Variants in DGKD observed in about 807,000 individuals in gnomAD.
DGKD encodes DAG kinase delta.
Under a neutral mutation model 154.4 loss-of-function variants are expected in DGKD, and 68 were observed. The ratio of observed to expected loss-of-function variants is 0.44; its 90% CI spans 0.36 to 0.54. DGKD has a LOEUF of 0.54. Among genes scored for constraint, DGKD ranks in the 20% least tolerant of loss-of-function variants. The probability of loss-of-function intolerance (pLI) is 0.00; values close to 1 mark genes in which losing one functional copy is unlikely to be tolerated. For synonymous variants in DGKD, 693 were observed against 638.0 expected (o/e 1.09, Z -1.30); for missense variants, 1,343 against 1,593.6 (o/e 0.84, Z 2.68).
chr2:233,438,105 C>A lies in DGKD; in HGVS notation c.923-112C>A. ...GACCTCCTCCTGACTTACAGGTGTG[C>A]ATGTGTCAGGTGTGTGTCCTTTGGG... is the stretch of plus-strand genomic sequence containing the variant. On this transcript the variant is annotated intron_variant, in intron 8 of 29. Coordinates refer to ENST00000264057, the MANE Select transcript of DGKD (RefSeq NM_152879.3). The surrounding 1 kb of genome is among the most constrained non-coding windows in gnomAD (Gnocchi z 4.1). 1 of 1,182,004 alleles carries A rather than the reference C, an allele frequency of 8.5e-7. No individual in the cohort carries two copies. The highest frequency in any genetic ancestry group is 1.2e-6 in the Non-Finnish European group (1 of 825,684). 73.2% of individuals were successfully genotyped at this position (1,182,004 alleles called of 1,614,324 possible).
At position 233,360,504 on chromosome 2, in the gene DGKD, C is replaced by T. The variant is rs946991985; in HGVS notation, c.156+5830C>T. On this transcript the variant is annotated intron_variant, in intron 1 of 29. Transcript: ENST00000264057. Reference sequence around the variant, plus strand: ...AACTCCTGGGCTCAAGCGATCCTCCCCCTTTGGCTTCCCAAAGTGCTAGAA... The same window carrying T: ...AACTCCTGGGCTCAAGCGATCCTCCTCCTTTGGCTTCCCAAAGTGCTAGAA... Among the ~76,000 whole-genome samples the T allele has an allele frequency of 2.0e-5, 3 of 151,690 alleles. No individual in the cohort carries two copies. The East Asian group carries it at 5.8e-4, about 29-fold the overall frequency.
chr2:233,443,079 C>CAAGCT (rs1336281421), intron 10 of DGKD, among the ~76,000 whole-genome samples: 2 of 152,174 alleles, frequency 1.3e-5, no homozygotes, highest in East Asian at 3.8e-4. Context: ...TGAGCGCACC[C>CAAGCT]AAGCTTAAGT....
Position 233,460,195 on chromosome 2 carries a change from C to A in DGKD, c.2831C>A (p.Ala944Glu). The A allele has an allele frequency of 6.2e-7, 1 of 1,613,736 alleles. No individual in the cohort carries two copies. The highest frequency in any genetic ancestry group is 8.5e-7 in the Non-Finnish European group (1 of 1,179,890). Residue 944 changes from alanine to glutamate, a missense_variant and splice_region_variant, in exon 24 of 30, where the codon GCA (alanine) becomes GAA (glutamate). Coordinates refer to ENST00000264057, the MANE Select transcript of DGKD (RefSeq NM_152879.3). Reference protein sequence around the residue: ...NRAQTLTRDRAFESTLKSWED... With the variant: ...NRAQTLTRDREFESTLKSWED... ...GTAATTGGGCTTTCGGGTCCATAGGCATTTGAGAGCACCCTGAAGTCCTGG... is the reference window on the plus strand; with the variant it reads ...GTAATTGGGCTTTCGGGTCCATAGGAATTTGAGAGCACCCTGAAGTCCTGG...
intron 14 of DGKD, among the ~76,000 whole-genome samples, chr2:233,448,631 G>A (rs564721452): frequency 3.1e-4 from 47 of 152,318 alleles, no homozygotes; most frequent in Middle Eastern, 6.8e-3. Flanking sequence ...GAATCTTCTT[G>A]GGTCCAAATA....
chr2:233,443,934 C>T (rs1297110067), intron 10 of DGKD, among the ~76,000 whole-genome samples: 2 of 152,182 alleles, frequency 1.3e-5, no homozygotes, highest in Non-Finnish European at 2.9e-5. Context: ...CTCGGGGTTT[C>T]TTGTCTTCCT....
chr2:233,386,122 C>A (rs1251924242), intron 1 of DGKD: 1 of 336,748 alleles, frequency 3.0e-6, no homozygotes, highest in Non-Finnish European at 6.0e-6. Flanking sequence ...TTAAAGATAA[C>A]TTATAACTTT....
chr2:233,428,938 A>G (rs928451622), intron 3 of DGKD, among the ~76,000 whole-genome samples: 1 of 152,102 alleles, frequency 6.6e-6, no homozygotes, highest in African/African-American at 2.4e-5. Context: ...TCTGACATTT[A>G]TCTGTTGCTC....
rs1000950194 is a variant in DGKD at position 233,438,131 on chromosome 2, G to A, written c.923-86G>A. The A allele has an allele frequency of 4.8e-6, 7 of 1,469,260 alleles. No individual in the cohort carries two copies. Among genetic ancestry groups the A allele is most frequent in the African/African-American group, 4.2e-5 (3 of 71,584 alleles). The allele number at this position is 1,469,260 out of a possible 1,614,324, so 91.0% of individuals were successfully genotyped here. Reference sequence around the variant, plus strand: ...ATGTGTCAGGTGTGTGTCCTTTGGGGGGGTCTGCTGCTGCTGATTCCATCA... The same window carrying A: ...ATGTGTCAGGTGTGTGTCCTTTGGGAGGGTCTGCTGCTGCTGATTCCATCA... On this transcript the variant is annotated intron_variant, in intron 8 of 29. Coordinates refer to ENST00000264057, the MANE Select transcript of DGKD (RefSeq NM_152879.3). This position sits in a 1 kb window ranked among gnomAD's most constrained non-coding sequence, Gnocchi z 4.1.
At chr2:233,400,337 G>T (rs1440741408) in intron 3 of DGKD, among the ~76,000 whole-genome samples, 2 of 152,216 alleles carry the variant, frequency 1.3e-5, no homozygotes, top group East Asian at 3.9e-4. Context: ...CCCTGGCCAG[G>T]TCCCTCGGAG....
chr2:233,385,154 G>A (rs540793700), intron 1 of DGKD, among the ~76,000 whole-genome samples: 1 of 152,292 alleles, frequency 6.6e-6, no homozygotes, highest in East Asian at 1.9e-4. Flanking sequence ...CTGGTTTGAA[G>A]CCCTTTTCAA....
chr2:233,448,338 C>T lies in DGKD; in HGVS notation c.1577C>T (p.Thr526Ile), dbSNP rs920003192. The change falls in exon 14 of 30, where the codon ACC becomes ATC. Residue 526 changes from threonine to isoleucine, a missense_variant. Around this residue, in one of 6 missense-constraint regions of DGKD, gnomAD observed 409 missense variants for 446.0 expected, o/e 0.92. Coordinates refer to ENST00000264057, the MANE Select transcript of DGKD (RefSeq NM_152879.3). Reference protein sequence around the residue: ...ARVGKAYEKTTESSEESEVMA... With the variant: ...ARVGKAYEKTIESSEESEVMA... ...GTGGGGAAGGCCTATGAGAAGACGACCGAGAGCTCGGAGGAGTCAGAGGTC... is the reference window on the plus strand; with the variant it reads ...GTGGGGAAGGCCTATGAGAAGACGATCGAGAGCTCGGAGGAGTCAGAGGTC... The T allele has an allele frequency of 1.1e-5, 17 of 1,613,986 alleles. No individual in the cohort carries two copies. The highest frequency in any genetic ancestry group is 1.4e-5 in the Non-Finnish European group (17 of 1,180,030).
intron 1 of DGKD, among the ~76,000 whole-genome samples, chr2:233,358,083 G>A (rs1050413814): frequency 1.3e-5 from 2 of 152,194 alleles, no homozygotes; most frequent in Non-Finnish European, 2.9e-5. Context: ...TAGAGTTGAA[G>A]CTGTCCACAG....
chr2:233,434,634 C>G (rs1219410795), intron 4 of DGKD, 135 bp from the exon 5 acceptor site: 4 of 1,468,408 alleles, frequency 2.7e-6, no homozygotes, highest in Non-Finnish European at 3.7e-6. Flanking sequence ...ATTGCTTGTC[C>G]TCTCAGCAGA....
At chr2:233,383,018 G>C (rs1297615518) in intron 1 of DGKD, among the ~76,000 whole-genome samples, 3 of 151,482 alleles carry the variant, frequency 2.0e-5, no homozygotes, top group African/African-American at 7.3e-5. Flanking sequence ...CATTCCGTGG[G>C]AGTTTCTTTT....
chr2:233,388,337 G>A lies in DGKD; in HGVS notation c.237G>A (p.Gly79=). Residue 79 remains glycine, a synonymous_variant, in exon 2 of 30, where the codon GGG becomes GGA. Transcript: ENST00000264057. ...RSKRRYFKLR[G]RTLYYAKTAK... ...AAAGGAGATACTTTAAGCTTCGAGG[G>A]CGAACGCTTTACTATGCCAAAACGG... 1.2e-6 allele frequency: 2 copies of A among 1,614,008 alleles called. No homozygotes were observed. Among genetic ancestry groups the A allele is most frequent in the Non-Finnish European group, 1.7e-6 (2 of 1,179,970 alleles).
At chr2:233,421,499 G>A (rs897618763) in intron 3 of DGKD, among the ~76,000 whole-genome samples, 3 of 152,118 alleles carry the variant, frequency 2.0e-5, no homozygotes, top group Non-Finnish European at 4.4e-5. Flanking sequence ...CTTATTTTAC[G>A]TGGAGTAAAA....
In DGKD at chr2:233,457,193, T is replaced by C. The variant is rs746629692; in HGVS notation, c.2473-28T>C. 4.6e-5 allele frequency: 68 copies of C among 1,489,338 alleles called. 1 individual carries two copies. Among genetic ancestry groups the C allele is most frequent in the South Asian group, 3.1e-4 (23 of 74,436 alleles). The allele number at this position is 1,489,338 out of a possible 1,614,324, so 92.3% of individuals were successfully genotyped here. On this transcript the variant is annotated intron_variant, in intron 20 of 29. Coordinates refer to ENST00000264057, the MANE Select transcript of DGKD (RefSeq NM_152879.3). This position sits in a 1 kb window ranked among gnomAD's most constrained non-coding sequence, Gnocchi z 5.5. Reference sequence around the variant, plus strand: ...GGGGCTGACTCATACCTTTCTCTTTTCTTTTGTTCTGTGTCTCTGCTGCTC... The same window carrying C: ...GGGGCTGACTCATACCTTTCTCTTTCCTTTTGTTCTGTGTCTCTGCTGCTC...
At chr2:233,432,907 C>T (rs1475981363) in intron 3 of DGKD, among the ~76,000 whole-genome samples, 1 of 152,156 alleles carries the variant, frequency 6.6e-6, no homozygotes, top group Non-Finnish European at 1.5e-5. Flanking sequence ...TGTCTTACCC[C>T]AGTTACAATG....
At chr2:233,425,545 A>G (rs1335967756) in intron 3 of DGKD, among the ~76,000 whole-genome samples, 2 of 152,226 alleles carry the variant, frequency 1.3e-5, no homozygotes, top group African/African-American at 4.8e-5. Flanking sequence ...AGTGGTACAG[A>G]AATCTTAAGG....
Sources: allele counts gnomAD v4.1 joint callset (sites outside exome capture counted in the v4.1 genomes callset), GRCh38; gene constraint gnomAD v4.1.1; regional missense constraint gnomAD v4.1.1; non-coding constraint Gnocchi (gnomAD v3.1); transcripts MANE v1.5; gene names NCBI Gene and HGNC (gene_info 2026-07-23, HGNC 2026-07-21).